Variants in EBPL observed in about 807,000 individuals in gnomAD.
EBPL encodes emopamil-binding protein-like.
A neutral mutation model predicts 19.0 loss-of-function variants in EBPL; 20 were observed. That is an observed-to-expected ratio of 1.05 (90% CI 0.74 to 1.53). The LOEUF is 1.53. Among genes scored for constraint, EBPL ranks in the 40% most tolerant of loss-of-function variants. EBPL has a pLI of 0.00. For missense variants in EBPL, 219 were observed against 261.1 expected, an observed-to-expected ratio of 0.84 and a Z score of 1.11; for synonymous variants, 107 against 117.0, an observed-to-expected ratio of 0.91 and a Z score of 0.55.
chr13:49,691,118 G>C, intron 1 of EBPL, 136 bp downstream of exon 1: 3 of 839,886 alleles, frequency 3.6e-6, no homozygotes, highest in Non-Finnish European at 4.7e-6. Flanking sequence ...GCGCCTCTCA[G>C]CTAACAGACT....
intron 1 of EBPL, among the ~76,000 whole-genome samples, chr13:49,678,737 C>T (rs914972029): frequency 3.9e-5 from 6 of 152,110 alleles, no homozygotes; most frequent in Non-Finnish European, 5.9e-5. Flanking sequence ...ACAGTGCAGC[C>T]GCGGGCTGAA....
chr13:49,663,396 A>G (rs1220716935), intron 2 of EBPL, among the ~76,000 whole-genome samples: 2 of 152,202 alleles, frequency 1.3e-5, no homozygotes, highest in East Asian at 3.9e-4. Context: ...TGAGAACAGC[A>G]GCAGGTTTAC....
intron 2 of EBPL, among the ~76,000 whole-genome samples, chr13:49,667,991 C>G (rs1340642257): frequency 6.6e-6 from 1 of 152,176 alleles, no homozygotes; most frequent in Non-Finnish European, 1.5e-5. Flanking sequence ...ATGACTCAGG[C>G]TGGGGTCCGT....
intron 1 of EBPL, among the ~76,000 whole-genome samples, chr13:49,678,134 G>A (rs1037250013): frequency 1.3e-5 from 2 of 152,180 alleles, no homozygotes; most frequent in Admixed American, 6.5e-5. Flanking sequence ...TGATTGGTCC[G>A]TTTTGACAGG....
chr13:49,685,445 AC>A lies in EBPL; in HGVS notation c.171+5808del, dbSNP rs555959395. 1.3e-4 allele frequency among the ~76,000 whole-genome samples: 20 copies of A among 152,304 alleles called. No homozygotes were observed. The South Asian group carries it at 4.1e-3, about 32-fold the overall frequency. On this transcript the variant is annotated intron_variant, in intron 1 of 3. Coordinates refer to ENST00000242827, the MANE Select transcript of EBPL (RefSeq NM_032565.5). The stretch of plus-strand genomic sequence containing the variant: ...AAATTGTTTGTACTAATATATGAAC[AC>A]CTTTTATAGATCATTAAGGAAAAGA...
intron 1 of EBPL, among the ~76,000 whole-genome samples, chr13:49,682,459 A>G (rs1448467182): frequency 1.3e-5 from 2 of 152,230 alleles, no homozygotes; most frequent in African/African-American, 4.8e-5. Context: ...GAATATGGCA[A>G]GGAGGATTCA....
chr13:49,671,219 C>A (rs1441389616), intron 1 of EBPL, among the ~76,000 whole-genome samples: 4 of 152,210 alleles, frequency 2.6e-5, no homozygotes, highest in Non-Finnish European at 4.4e-5. Flanking sequence ...CTCACTGCAA[C>A]CTACGCCTCC....
intron 3 of EBPL, among the ~76,000 whole-genome samples, chr13:49,662,840 T>C (rs1286899660): frequency 6.6e-6 from 1 of 152,088 alleles, no homozygotes; most frequent in Non-Finnish European, 1.5e-5. Context: ...CTCATTGTAT[T>C]GCCTAGGCTG....
At chr13:49,678,420 G>A (rs972717373) in intron 1 of EBPL, among the ~76,000 whole-genome samples, 13 of 152,202 alleles carry the variant, frequency 8.5e-5, no homozygotes, top group East Asian at 5.8e-4. Context: ...GTGCCGGCTC[G>A]GGCATGGCGG....
chr13:49,675,979 C>T (rs926786899), intron 1 of EBPL, among the ~76,000 whole-genome samples: 1 of 151,708 alleles, frequency 6.6e-6, no homozygotes, highest in African/African-American at 2.4e-5. Context: ...TGATGCTGAA[C>T]ATATTTTCAT....
intron 3 of EBPL, chr13:49,661,978 G>T: frequency 6.9e-7 from 1 of 1,440,550 alleles, no homozygotes; most frequent in Non-Finnish European, 9.5e-7. Context: ...CTCTGAGTCT[G>T]ATAGGATGGA....
intron 1 of EBPL, among the ~76,000 whole-genome samples, chr13:49,689,637 G>A (rs1313115239): frequency 1.3e-5 from 2 of 152,146 alleles, no homozygotes; most frequent in Non-Finnish European, 2.9e-5. Context: ...ATGAGCCACT[G>A]TGTCCGATAT....
intron 1 of EBPL, chr13:49,686,700 C>T: frequency 9.2e-7 from 1 of 1,085,954 alleles, no homozygotes; most frequent in Non-Finnish European, 1.2e-6. Flanking sequence ...TTCGTGCTAT[C>T]TCCCCCAACT....
chr13:49,669,719 TCA>T (rs1843802902), intron 2 of EBPL, 56 bp downstream of exon 2: 1 of 1,468,894 alleles, frequency 6.8e-7, no homozygotes, highest in African/African-American at 1.4e-5. Flanking sequence ...CGTTTGACAG[TCA>T]CACTTGCAAT....
At chr13:49,686,646 C>G (rs1476623700) in intron 1 of EBPL, 7 of 1,283,358 alleles carry the variant, frequency 5.5e-6, no homozygotes, top group Non-Finnish European at 7.1e-6. Flanking sequence ...GCTCTTTCAC[C>G]CTTCTGTTCT....
intron 2 of EBPL, chr13:49,668,369 C>T (rs906884814): frequency 6.1e-5 from 14 of 231,180 alleles, no homozygotes; most frequent in Non-Finnish European, 1.1e-4. Flanking sequence ...GTCAGGAGAT[C>T]GAGACCATCC....
intron 1 of EBPL, among the ~76,000 whole-genome samples, chr13:49,685,170 T>C (rs1022710809): frequency 1.3e-5 from 2 of 152,206 alleles, no homozygotes; most frequent in African/African-American, 4.8e-5. Flanking sequence ...TGGGGAGAAG[T>C]TTGCTTTATC....
intron 1 of EBPL, among the ~76,000 whole-genome samples, chr13:49,687,493 C>T (rs529536634): frequency 5.3e-5 from 8 of 152,192 alleles, no homozygotes; most frequent in Non-Finnish European, 8.8e-5. Flanking sequence ...TGAGCAAAGA[C>T]ATTTATATCA....
chr13:49,662,132 T>TA (rs752772452), intron 3 of EBPL, among the ~76,000 whole-genome samples: 1 of 152,136 alleles, frequency 6.6e-6, no homozygotes, highest in Non-Finnish European at 1.5e-5. Context: ...AGCTGGGACT[T>TA]ACAGGCACCC....
Sources: allele counts gnomAD v4.1 joint callset (sites outside exome capture counted in the v4.1 genomes callset), GRCh38; gene constraint gnomAD v4.1.1; transcripts MANE v1.5; gene names NCBI Gene and HGNC (gene_info 2026-07-23, HGNC 2026-07-21).